Variants in NF1 observed in about 807,000 individuals in gnomAD.
NF1 encodes the protein neurofibromin 1.
In NF1, 122 loss-of-function variants were observed where a neutral mutation model predicts 325.7. That is an observed-to-expected ratio of 0.37 (90% CI 0.32 to 0.44). NF1 has a LOEUF of 0.44. NF1 is among the 20% of genes least tolerant of loss of function. The pLI is 1.00. For synonymous variants in NF1, 1,091 were observed against 1,186.0 expected (o/e 0.92, Z 1.65); for missense variants, 2,140 against 3,415.4 (o/e 0.63, Z 9.31).
chr17:31,141,963 A>G (rs1483989713), intron 1 of NF1, among the ~76,000 whole-genome samples: 1 of 152,156 alleles, frequency 6.6e-6, no homozygotes, highest in African/African-American at 2.4e-5. Flanking sequence ...CATTTAGGTG[A>G]AAACTTAGGT....
In NF1 at chr17:31,095,008, G is replaced by A. The variant is rs1295263845; in HGVS notation, c.-302G>A. The A allele has an allele frequency of 3.6e-6, 2 of 560,716 alleles. No individual in the cohort carries two copies. The highest frequency in any genetic ancestry group is 2.1e-5 in the South Asian group (1 of 46,934). 34.7% of individuals were successfully genotyped at this position (560,716 alleles called of 1,614,324 possible). ...GGTGGGGTGTCATGGCGGCGTCTCG[G>A]ACTGTGATGGCTGTGGGGAGACGGC... On this transcript the variant is annotated 5_prime_UTR_variant, in exon 1 of 58. Transcript: ENST00000358273.
intron 1 of NF1, among the ~76,000 whole-genome samples, chr17:31,105,637 C>T (rs2143249532): frequency 6.6e-6 from 1 of 152,296 alleles, no homozygotes; most frequent in East Asian, 1.9e-4. Context: ...GCCTCAGCCT[C>T]CCAAGTAGCT....
intron 36 of NF1, chr17:31,272,113 G>A (rs1252879486): frequency 1.3e-5 from 2 of 150,942 alleles, no homozygotes; most frequent in Non-Finnish European, 1.5e-5. Flanking sequence ...ATTATAATTT[G>A]CAAAAAAAAA....
At chr17:31,318,765 G>C (rs373460620) in intron 36 of NF1, 37 of 1,614,028 alleles carry the variant, frequency 2.3e-5, no homozygotes, top group Non-Finnish European at 3.0e-5. Flanking sequence ...TTAAAGCTAC[G>C]ATGTGAGATG....
chr17:31,215,778 T>A (rs2066809645), intron 13 of NF1, among the ~76,000 whole-genome samples: 1 of 152,230 alleles, frequency 6.6e-6, no homozygotes, highest in African/African-American at 2.4e-5. Context: ...GTAACTGGCT[T>A]TTTAAAAAGT....
At chr17:31,286,383 C>T (rs1285976503) in intron 36 of NF1, among the ~76,000 whole-genome samples, 1 of 152,200 alleles carries the variant, frequency 6.6e-6, no homozygotes, top group Non-Finnish European at 1.5e-5. Flanking sequence ...GCCACCACAC[C>T]CAGCCTATTT....
chr17:31,148,318 C>A (rs1916714964), intron 1 of NF1, among the ~76,000 whole-genome samples: 1 of 151,740 alleles, frequency 6.6e-6, no homozygotes. Flanking sequence ...AAAATTCATT[C>A]CTAACCATTT....
At chr17:31,250,714 C>T (rs897523082) in intron 30 of NF1, 1 of 190,486 alleles carries the variant, frequency 5.2e-6, no homozygotes, top group Non-Finnish European at 1.1e-5. Context: ...CCCATCCCTC[C>T]CACCTAAGTA....
intron 4 of NF1, among the ~76,000 whole-genome samples, chr17:31,164,891 A>G (rs2143682442): frequency 6.6e-6 from 1 of 152,310 alleles, no homozygotes; most frequent in Non-Finnish European, 1.5e-5. Context: ...AAATCTTTTG[A>G]GCAGTAACGT....
At chr17:31,103,312 G>A (rs1912530679) in intron 1 of NF1, among the ~76,000 whole-genome samples, 1 of 150,284 alleles carries the variant, frequency 6.7e-6, no homozygotes, top group Admixed American at 6.6e-5. Flanking sequence ...GTACAATTTT[G>A]GCTCACTGCA....
chr17:31,224,060 G>C (rs1402306797), intron 16 of NF1, among the ~76,000 whole-genome samples: 1 of 152,120 alleles, frequency 6.6e-6, no homozygotes, highest in East Asian at 1.9e-4. Context: ...CTCATGGCTA[G>C]ACTAGTCCAG....
chr17:31,225,340 G>A (rs1409933782), intron 17 of NF1, 90 bp downstream of exon 17: 1 of 1,425,456 alleles, frequency 7.0e-7, no homozygotes, highest in Non-Finnish European at 9.8e-7. Context: ...AGGTAATATA[G>A]TGTAATAGTG....
intron 50 of NF1, among the ~76,000 whole-genome samples, chr17:31,351,782 C>T (rs1000473915): frequency 6.6e-6 from 1 of 152,102 alleles, no homozygotes; most frequent in Non-Finnish European, 1.5e-5. Flanking sequence ...CTGCAGGCCG[C>T]ACGCAGCCCA....
chr17:31,265,238 A>G lies in NF1; in HGVS notation c.4734A>G (p.Val1578=), dbSNP rs1219914105. 1 of 1,611,422 alleles carries G rather than the reference A, an allele frequency of 6.2e-7. No individual in the cohort carries two copies. The highest frequency in any genetic ancestry group is 8.5e-7 in the Non-Finnish European group (1 of 1,177,892). ...KFEEFMTRHQ[V]HEKEEFKALK... ...GTTATTTTTCTTTTAGGCATCAGGT[A>G]CATGAAAAAGAAGAATTCAAGGCTT... is the stretch of plus-strand genomic sequence containing the variant. Residue 1578 remains valine (V), a synonymous_variant, in exon 36 of 58, where the codon GTA becomes GTG. Transcript: ENST00000358273.
At chr17:31,277,962 G>C (rs2068039748) in intron 36 of NF1, among the ~76,000 whole-genome samples, 1 of 152,092 alleles carries the variant, frequency 6.6e-6, no homozygotes, top group Non-Finnish European at 1.5e-5. Flanking sequence ...TATGTACACT[G>C]TATCATCTTC....
At chr17:31,125,772 G>A (rs1172509575) in intron 1 of NF1, among the ~76,000 whole-genome samples, 4 of 152,076 alleles carry the variant, frequency 2.6e-5, no homozygotes, top group African/African-American at 9.7e-5. Flanking sequence ...CTGACCTCAA[G>A]TGATCTGTCC....
chr17:31,282,712 T>C (rs1209511916), intron 36 of NF1, among the ~76,000 whole-genome samples: 1 of 152,232 alleles, frequency 6.6e-6, no homozygotes, highest in Admixed American at 6.5e-5. Flanking sequence ...CTGAATAATA[T>C]TCTATTGTAT....
rs144268991 is a variant in NF1 at position 31,109,453 on chromosome 17, G to A, written c.60+14084G>A. On this transcript the variant is annotated intron_variant, in intron 1 of 57. Transcript: ENST00000358273. ...GGCTGGAGTGCAATGGCGCGATCTC[G>A]GCTCACTGCAACCTCCGCCTCCCAG... is the stretch of plus-strand genomic sequence containing the variant. Among the ~76,000 whole-genome samples the A allele has an allele frequency of 4.4e-3, 667 of 150,566 alleles. 6 individuals carry two copies. The highest frequency in any genetic ancestry group is 0.016 in the African/African-American group (634 of 40,864).
At chr17:31,339,872 G>A (rs1452799763) in intron 46 of NF1, among the ~76,000 whole-genome samples, 3 of 152,196 alleles carry the variant, frequency 2.0e-5, no homozygotes, top group Non-Finnish European at 4.4e-5. Context: ...GTTAATGTAG[G>A]TAGAGAGAAA....
Sources: allele counts gnomAD v4.1 joint callset (sites outside exome capture counted in the v4.1 genomes callset), GRCh38; gene constraint gnomAD v4.1.1; transcripts MANE v1.5; gene names NCBI Gene and HGNC (gene_info 2026-07-23, HGNC 2026-07-21).